Variants in VWA5B1 observed in about 807,000 individuals in gnomAD.
VWA5B1 encodes von Willebrand factor A domain containing 5B1, also known as von Willebrand factor A domain-containing protein 5B1.
VWA5B1 carries 115 observed loss-of-function variants against 118.2 expected under a neutral mutation model. The ratio of observed to expected loss-of-function variants is 0.97; its 90% CI spans 0.84 to 1.14. The LOEUF (loss-of-function observed/expected upper bound fraction) is 1.14. VWA5B1 is among the 50% of genes most tolerant of loss of function. The pLI, the probability that VWA5B1 is intolerant of heterozygous loss-of-function variation, is 0.00. For missense variants in VWA5B1, 1,596 were observed against 1,603.8 expected, an observed-to-expected ratio of 1.00 and a Z score of 0.08; for synonymous variants, 682 against 658.4, an observed-to-expected ratio of 1.04 and a Z score of -0.55.
intron 1 of VWA5B1, among the ~76,000 whole-genome samples, chr1:20,292,424 G>A (rs932538219): frequency 6.6e-6 from 1 of 152,210 alleles, no homozygotes; most frequent in South Asian, 2.1e-4. Flanking sequence ...GCATGTGTGT[G>A]CGTGTGATGC....
intron 1 of VWA5B1, among the ~76,000 whole-genome samples, chr1:20,293,731 G>A (rs1417895147): frequency 2.6e-5 from 4 of 152,162 alleles, no homozygotes; most frequent in Non-Finnish European, 1.5e-5. Context: ...CACCAGGGGT[G>A]CACAAGTCTT....
chr1:20,295,547 G>A (rs1210701963), intron 1 of VWA5B1, among the ~76,000 whole-genome samples: 1 of 152,190 alleles, frequency 6.6e-6, no homozygotes, highest in Non-Finnish European at 1.5e-5. Context: ...CCTAAGGCAA[G>A]GGTCCCCGGG....
intron 14 of VWA5B1, chr1:20,339,202 T>G (rs2089808297): frequency 6.6e-6 from 1 of 152,216 alleles, no homozygotes; most frequent in Non-Finnish European, 1.5e-5. Context: ...ATCACCTGGT[T>G]GAGCACCATT....
At position 20,348,372 on chromosome 1, in the gene VWA5B1, C is replaced by A. The variant is rs1386822673; in HGVS notation, c.2878+14C>A. ...CACCAGGAAATGGTAAATTTCAGGC[C>A]CTAAGTAAGAGCCACCCTGGGCACT... On this transcript the variant is annotated intron_variant, in intron 18 of 21. Transcript: ENST00000289815. 6.4e-7 allele frequency: 1 copy of A among 1,551,390 alleles called. No homozygotes were observed. The highest frequency in any genetic ancestry group is 1.2e-5 in the South Asian group (1 of 84,052).
rs763370293 is a variant in VWA5B1 at position 20,323,348 on chromosome 1, T to G, written c.967-8T>G. The G allele has an allele frequency of 1.1e-4, 156 of 1,457,848 alleles. No homozygotes were observed. Among genetic ancestry groups the G allele is most frequent in the Middle Eastern group, 8.9e-4 (5 of 5,626 alleles). 90.3% of individuals were successfully genotyped at this position (1,457,848 alleles called of 1,614,324 possible). The stretch of plus-strand genomic sequence containing the variant: ...ATTGCCCAATCAGAGTGTTCTTTCC[T>G]CTTCCAGACAGAAATCATTCGAAAA... On this transcript the variant is annotated splice_region_variant and splice_polypyrimidine_tract_variant and intron_variant, in intron 7 of 21. Coordinates refer to ENST00000289815, the MANE Select transcript of VWA5B1 (RefSeq NM_001039500.3).
chr1:20,304,136 G>A (rs1280988189), intron 1 of VWA5B1, among the ~76,000 whole-genome samples: 7 of 152,208 alleles, frequency 4.6e-5, no homozygotes, highest in Non-Finnish European at 8.8e-5. Flanking sequence ...TGCTCTTTCA[G>A]AACTCACAGC....
intron 11 of VWA5B1, among the ~76,000 whole-genome samples, chr1:20,331,537 G>A (rs1025059173): frequency 1.3e-5 from 2 of 152,224 alleles, no homozygotes; most frequent in South Asian, 2.1e-4. Flanking sequence ...TTCAGGCCAA[G>A]AGGCCAGTCC....
rs1042176897 is a variant in VWA5B1 at position 20,318,184 on chromosome 1, A to G, written c.710-406A>G. Among the ~76,000 whole-genome samples, 29 of 151,634 alleles carry G rather than the reference A, an allele frequency of 1.9e-4. 1 individual carries two copies. Among genetic ancestry groups the G allele is most frequent in the African/African-American group, 6.8e-4 (28 of 41,224 alleles). On this transcript the variant is annotated intron_variant, in intron 5 of 21. Coordinates refer to ENST00000289815, the MANE Select transcript of VWA5B1 (RefSeq NM_001039500.3). ...CTCAGAGCCTTAAAAGGACACTAGG[A>G]TATGGTTTCTTGTCAGTGCGTCCTC...
chr1:20,314,606 GC>G lies in VWA5B1; in HGVS notation c.563+17del. 1 of 1,548,138 alleles carries G rather than the reference GC, an allele frequency of 6.5e-7. No homozygotes were observed. The highest frequency in any genetic ancestry group is 8.7e-7 in the Non-Finnish European group (1 of 1,144,600). On this transcript the variant is annotated intron_variant, in intron 4 of 21. Coordinates refer to ENST00000289815, the MANE Select transcript of VWA5B1 (RefSeq NM_001039500.3). ...ACAGGCCCAGGGGTAAGGAAGCCCT[GC>G]CCAGACCAATCAGAGTCCCAGGTGG...
rs74056514 is a variant in VWA5B1 at position 20,331,015 on chromosome 1, G to A, written c.1572+32G>A. The A allele has an allele frequency of 3.0e-3, 4,530 of 1,506,174 alleles. 112 individuals carry two copies. In the African/African-American group the frequency reaches 0.053, roughly 18 times the overall value. The allele number at this position is 1,506,174 out of a possible 1,614,324, so 93.3% of individuals were successfully genotyped here. ...AGCAGAACCCACGCAGTCCCTTCTGGTGCTGGAACCTCAGAGGCTCAGACC... is the reference window on the plus strand; with the variant it reads ...AGCAGAACCCACGCAGTCCCTTCTGATGCTGGAACCTCAGAGGCTCAGACC... On this transcript the variant is annotated intron_variant, in intron 11 of 21. Coordinates refer to ENST00000289815, the MANE Select transcript of VWA5B1 (RefSeq NM_001039500.3).
intron 4 of VWA5B1, among the ~76,000 whole-genome samples, chr1:20,317,090 A>G (rs1408560336): frequency 6.8e-6 from 1 of 146,198 alleles, no homozygotes; most frequent in East Asian, 2.0e-4. Context: ...CGGGAGGCAG[A>G]GCTTGCAGTG....
At chr1:20,304,709 G>A (rs1185782126) in intron 1 of VWA5B1, among the ~76,000 whole-genome samples, 2 of 152,050 alleles carry the variant, frequency 1.3e-5, no homozygotes, top group Non-Finnish European at 2.9e-5. Context: ...AGAGAGGATT[G>A]CAAGACTCGC....
chr1:20,304,552 GGT>G (rs367554889), intron 1 of VWA5B1, among the ~76,000 whole-genome samples: 4 of 150,564 alleles, frequency 2.7e-5, no homozygotes, highest in Admixed American at 6.6e-5. Context: ...GAAAAATGGA[GGT>G]GTGTGTGTGT....
chr1:20,346,380 C>T (rs1446439642), intron 17 of VWA5B1, among the ~76,000 whole-genome samples: 2 of 152,204 alleles, frequency 1.3e-5, no homozygotes, highest in Admixed American at 6.5e-5. Context: ...CATTTTCTTC[C>T]ACTCCTTTCT....
chr1:20,296,432 G>T (rs972294530), intron 1 of VWA5B1, among the ~76,000 whole-genome samples: 1 of 152,216 alleles, frequency 6.6e-6, no homozygotes, highest in African/African-American at 2.4e-5. Flanking sequence ...AGGACTCCTA[G>T]TCCTACACAA....
At chr1:20,291,355 TTCTTTC>T (rs1216123385) in intron 1 of VWA5B1, among the ~76,000 whole-genome samples, 2 of 69,844 alleles carry the variant, frequency 2.9e-5, no homozygotes, top group African/African-American at 1.5e-4. Context: ...CTTTCTTTCT[TTCTTTC>T]TCTCTCTCTC....
chr1:20,321,852 G>T (rs2089228521), intron 7 of VWA5B1, among the ~76,000 whole-genome samples: 1 of 152,146 alleles, frequency 6.6e-6, no homozygotes, highest in South Asian at 2.1e-4. Context: ...GAGCAGAGTG[G>T]GTAGAGAGGA....
intron 16 of VWA5B1, among the ~76,000 whole-genome samples, 155 bp downstream of exon 16, chr1:20,343,548 A>G: frequency 1.2e-5 from 1 of 81,616 alleles, no homozygotes; most frequent in Admixed American, 1.6e-4. Context: ...CCCCCTCCTC[A>G]CAGCCCCGCC....
Position 20,332,915 on chromosome 1 carries a change from A to G in VWA5B1, c.1722A>G (p.Val574=). The G allele has an allele frequency of 6.4e-7, 1 of 1,551,872 alleles. No homozygotes were observed. The highest frequency in any genetic ancestry group is 1.2e-5 in the South Asian group (1 of 84,062). ...AACGGCTGGTGGGGTATGGCATTGT[A>G]TGTGATGCTTCTTTGCACATCTCCA... is the stretch of plus-strand genomic sequence containing the variant. ...PGERLVGYGI[V]CDASLHISNP... Residue 574 remains valine, a synonymous_variant, in exon 12 of 22, where the codon GTA becomes GTG. Coordinates refer to ENST00000289815, the MANE Select transcript of VWA5B1 (RefSeq NM_001039500.3).
Sources: allele counts gnomAD v4.1 joint callset (sites outside exome capture counted in the v4.1 genomes callset), GRCh38; gene constraint gnomAD v4.1.1; transcripts MANE v1.5; gene names NCBI Gene and HGNC (gene_info 2026-07-23, HGNC 2026-07-21).